Variants in RAPGEF2 observed in about 807,000 individuals in gnomAD.
RAPGEF2 encodes the protein PDZ domain containing guanine nucleotide exchange factor (GEF) 1.
Under a neutral mutation model 186.7 loss-of-function variants are expected in RAPGEF2, and 54 were observed. The observed-to-expected ratio is 0.29, with a 90% CI of 0.23 to 0.36. The LOEUF (loss-of-function observed/expected upper bound fraction) is 0.36. Among genes scored for constraint, RAPGEF2 ranks in the 10% least tolerant of loss-of-function variants. The pLI is 1.00. For synonymous variants in RAPGEF2, 712 were observed against 705.9 expected (o/e 1.01, Z -0.14); for missense variants, 1,532 against 2,045.0 (o/e 0.75, Z 4.84).
chr4:159,137,894 GT>G (rs1334454772), intron 1 of RAPGEF2, among the ~76,000 whole-genome samples: 1 of 152,216 alleles, frequency 6.6e-6, no homozygotes, highest in East Asian at 1.9e-4. Flanking sequence ...GATTTAATGA[GT>G]TAAAAAATTA....
chr4:159,200,664 A>G (rs942927403), intron 3 of RAPGEF2, among the ~76,000 whole-genome samples: 1 of 152,074 alleles, frequency 6.6e-6, no homozygotes, highest in Non-Finnish European at 1.5e-5. Context: ...GTTCTTATTG[A>G]TCTTACTGAC....
chr4:159,277,734 G>A (rs1404890787), intron 7 of RAPGEF2, among the ~76,000 whole-genome samples: 1 of 152,178 alleles, frequency 6.6e-6, no homozygotes, highest in Admixed American at 6.5e-5. Flanking sequence ...CTTTTGTGAA[G>A]TGTCTGTTCA....
intron 1 of RAPGEF2, among the ~76,000 whole-genome samples, chr4:159,148,424 T>C (rs1743171234): frequency 6.6e-6 from 1 of 152,236 alleles, no homozygotes; most frequent in South Asian, 2.1e-4. Flanking sequence ...TCAGAAAGTG[T>C]TATGATTCCT....
At chr4:159,352,574 C>A in intron 26 of RAPGEF2, 111 bp from the exon 27 acceptor site, 1 of 791,888 alleles carries the variant, frequency 1.3e-6, no homozygotes, top group Non-Finnish European at 2.1e-6. Context: ...TTTTTCTCCC[C>A]ACTTAAGAGA....
intron 1 of RAPGEF2, among the ~76,000 whole-genome samples, chr4:159,134,203 AGAATGTCTT>A (rs1429308533): frequency 6.6e-6 from 1 of 152,218 alleles, no homozygotes; most frequent in East Asian, 1.9e-4. Flanking sequence ...TGCCTTTTTA[AGAATGTCTT>A]GTACTGTACA....
At chr4:159,267,807 TC>T (rs1233911633) in intron 7 of RAPGEF2, 7 of 1,010,066 alleles carry the variant, frequency 6.9e-6, no homozygotes, top group African/African-American at 1.7e-5. Context: ...TTTTTTTTTT[TC>T]CTCTCCTTTT....
At chr4:159,179,728 C>A (rs1746817647) in intron 1 of RAPGEF2, among the ~76,000 whole-genome samples, 1 of 152,110 alleles carries the variant, frequency 6.6e-6, no homozygotes, top group Non-Finnish European at 1.5e-5. Flanking sequence ...CCACTATGGG[C>A]AGGAAAGGAG....
At chr4:159,104,526 G>GAGAGGGAGAGAC (rs756718888) in intron 1 of RAPGEF2, among the ~76,000 whole-genome samples, 1 of 111,984 alleles carries the variant, frequency 8.9e-6, no homozygotes, top group Admixed American at 9.2e-5. Flanking sequence ...GAGAGAGAGA[G>GAGAGGGAGAGAC]GGAGAGACAG....
intron 4 of RAPGEF2, among the ~76,000 whole-genome samples, chr4:159,222,117 T>C (rs138297037): frequency 6.6e-6 from 1 of 152,228 alleles, no homozygotes; most frequent in Non-Finnish European, 1.5e-5. Flanking sequence ...TAGAACCCTC[T>C]TTCCTCTTGT....
At chr4:159,184,831 G>A (rs1046224092) in intron 1 of RAPGEF2, among the ~76,000 whole-genome samples, 3 of 152,138 alleles carry the variant, frequency 2.0e-5, no homozygotes, top group East Asian at 1.9e-4. Flanking sequence ...CCTATGTCCT[G>A]AATGGTATTG....
intron 7 of RAPGEF2, among the ~76,000 whole-genome samples, chr4:159,270,612 T>G (rs990335330): frequency 1.3e-5 from 2 of 152,200 alleles, no homozygotes; most frequent in African/African-American, 2.4e-5. Context: ...TATCAGAACC[T>G]TTCAGATCTC....
intron 3 of RAPGEF2, among the ~76,000 whole-genome samples, chr4:159,199,535 T>C (rs556728684): frequency 1.3e-5 from 2 of 152,256 alleles, no homozygotes; most frequent in African/African-American, 4.8e-5. Context: ...AAGACCTTCA[T>C]TATGGTCTCA....
chr4:159,143,112 C>T (rs1028755832), intron 1 of RAPGEF2, among the ~76,000 whole-genome samples: 2 of 152,032 alleles, frequency 1.3e-5, no homozygotes, highest in East Asian at 3.8e-4. Flanking sequence ...TGGCATGCAC[C>T]TGTAGTCTCA....
intron 7 of RAPGEF2, among the ~76,000 whole-genome samples, chr4:159,247,565 T>TA (rs2111496923): frequency 1.3e-5 from 2 of 152,218 alleles, no homozygotes; most frequent in Admixed American, 1.3e-4. Context: ...TACTGAGATT[T>TA]ACATTTAAAT....
Position 159,112,495 on chromosome 4 carries a change from T to A in RAPGEF2, c.69+8264T>A, listed in dbSNP as rs947675486. Among the ~76,000 whole-genome samples the A allele has an allele frequency of 1.3e-4, 20 of 150,096 alleles. No homozygotes were observed. In the South Asian group the frequency reaches 2.3e-3, roughly 18 times the overall value. ...TAATGACTGTATATACAAAAGGGAG[T>A]CCCAATGGCCAAATTTGGGACAGTT... On this transcript the variant is annotated intron_variant, in intron 1 of 29. Coordinates refer to ENST00000691494, the MANE Select transcript of RAPGEF2 (RefSeq NM_001394067.2).
intron 7 of RAPGEF2, among the ~76,000 whole-genome samples, chr4:159,294,055 C>G (rs1294000591): frequency 1.3e-5 from 2 of 152,208 alleles, no homozygotes; most frequent in African/African-American, 2.4e-5. Context: ...GCTAGCCAGT[C>G]TCAGCCATGC....
At chr4:159,338,946 A>G (rs1266449750) in intron 18 of RAPGEF2, among the ~76,000 whole-genome samples, 168 bp from the exon 19 acceptor site, 1 of 152,240 alleles carries the variant, frequency 6.6e-6, no homozygotes, top group Non-Finnish European at 1.5e-5. Flanking sequence ...ATGTTCTTGC[A>G]GCAAAACAGC....
At chr4:159,234,234 C>A (rs1317128084) in intron 4 of RAPGEF2, among the ~76,000 whole-genome samples, 1 of 152,100 alleles carries the variant, frequency 6.6e-6, no homozygotes, top group African/African-American at 2.4e-5. Flanking sequence ...ACAATCCTTA[C>A]CTACTTCTGA....
chr4:159,219,904 T>A (rs546284463), intron 4 of RAPGEF2, among the ~76,000 whole-genome samples: 1 of 152,234 alleles, frequency 6.6e-6, no homozygotes, highest in African/African-American at 2.4e-5. Flanking sequence ...TATTATTGAT[T>A]GCTTCTTATA....
Sources: allele counts gnomAD v4.1 joint callset (sites outside exome capture counted in the v4.1 genomes callset), GRCh38; gene constraint gnomAD v4.1.1; transcripts MANE v1.5; gene names NCBI Gene and HGNC (gene_info 2026-07-23, HGNC 2026-07-21).